PTN: variants seen among roughly 807,000 people sequenced by gnomAD.
The protein encoded by PTN is heparin affin regulatory protein.
PTN carries 18 observed loss-of-function variants against 24.1 expected under a neutral mutation model. The observed-to-expected ratio is 0.75, with a 90% CI of 0.52 to 1.11. PTN has a LOEUF of 1.11. Among genes scored for constraint, PTN ranks in the 50% least tolerant of loss-of-function variants. The pLI, the probability that PTN is intolerant of heterozygous loss-of-function variation, is 0.00. For missense variants in PTN, 163 were observed against 198.8 expected, an observed-to-expected ratio of 0.82 and a Z score of 1.08; for synonymous variants, 78 against 68.6, an observed-to-expected ratio of 1.14 and a Z score of -0.67.
At chr7:137,289,344 T>C (rs776586288) in intron 1 of PTN, among the ~76,000 whole-genome samples, 5 of 152,038 alleles carry the variant, frequency 3.3e-5, no homozygotes, top group Non-Finnish European at 7.4e-5. Flanking sequence ...CTGTGAATCA[T>C]TGGAAGAGAA....
chr7:137,289,251 T>C (rs1158457869), intron 1 of PTN, among the ~76,000 whole-genome samples: 1 of 152,196 alleles, frequency 6.6e-6, no homozygotes, highest in Non-Finnish European at 1.5e-5. Flanking sequence ...TATTGAAATG[T>C]GATCTCTCAG....
intron 1 of PTN, among the ~76,000 whole-genome samples, chr7:137,339,807 AAAG>A (rs1379674661): frequency 1.3e-5 from 2 of 152,096 alleles, no homozygotes; most frequent in Non-Finnish European, 2.9e-5. Context: ...AAATGAGAGA[AAAG>A]AAGGAGAAAT....
chr7:137,244,530 C>T (rs1808690397), intron 4 of PTN, among the ~76,000 whole-genome samples: 2 of 151,892 alleles, frequency 1.3e-5, no homozygotes, highest in South Asian at 2.1e-4. Context: ...TCCCTCCCCC[C>T]TCCTCCCACC....
At chr7:137,261,977 A>G (rs1402898792) in intron 1 of PTN, among the ~76,000 whole-genome samples, 1 of 152,112 alleles carries the variant, frequency 6.6e-6, no homozygotes, top group African/African-American at 2.4e-5. Flanking sequence ...TAGGGAAGTT[A>G]GAATAATATC....
chr7:137,333,687 A>C (rs778151804), intron 1 of PTN, among the ~76,000 whole-genome samples: 2 of 152,174 alleles, frequency 1.3e-5, no homozygotes, highest in African/African-American at 2.4e-5. Flanking sequence ...ATTGGAAAAA[A>C]CTACTTTAAA....
In PTN at chr7:137,275,659, A is replaced by T. The variant is rs980033252; in HGVS notation, c.-1-20685T>A. ...CAGTAAATCTTTTTTTAAAAAAAAA[A>T]ATTGTATTGGCAAACTGAATTAGGT... On this transcript the variant is annotated intron_variant, in intron 1 of 4. Transcript: ENST00000348225. 1.6e-4 allele frequency among the ~76,000 whole-genome samples: 24 copies of T among 151,740 alleles called. 1 individual carries two copies. The highest frequency in any genetic ancestry group is 2.9e-5 in the Non-Finnish European group (2 of 67,954).
intron 1 of PTN, among the ~76,000 whole-genome samples, chr7:137,323,414 G>A (rs538393010): frequency 6.6e-6 from 1 of 152,244 alleles, no homozygotes; most frequent in Admixed American, 6.5e-5. Context: ...GGACTGGTGT[G>A]AATTAATTTT....
At chr7:137,308,770 C>T (rs575110816) in intron 1 of PTN, among the ~76,000 whole-genome samples, 72 of 152,226 alleles carry the variant, frequency 4.7e-4, no homozygotes, top group African/African-American at 1.7e-3. Flanking sequence ...GGCATAAACA[C>T]TATTCTAGGG....
chr7:137,285,568 G>T (rs1809540010), intron 1 of PTN, among the ~76,000 whole-genome samples: 1 of 152,066 alleles, frequency 6.6e-6, no homozygotes, highest in Non-Finnish European at 1.5e-5. Flanking sequence ...TACTCAAGAG[G>T]CTGAGGCAGG....
intron 1 of PTN, among the ~76,000 whole-genome samples, chr7:137,290,672 G>C (rs1351061066): frequency 6.6e-6 from 1 of 151,826 alleles, no homozygotes; most frequent in Non-Finnish European, 1.5e-5. Flanking sequence ...TAAATACATA[G>C]GACAAGTGAC....
intron 1 of PTN, among the ~76,000 whole-genome samples, chr7:137,313,907 C>G (rs1008053641): frequency 6.6e-6 from 1 of 152,154 alleles, no homozygotes; most frequent in Non-Finnish European, 1.5e-5. Context: ...ATGCACAGAC[C>G]AACTAGACTG....
At chr7:137,314,840 G>A (rs566669598) in intron 1 of PTN, among the ~76,000 whole-genome samples, 369 of 152,114 alleles carry the variant, frequency 2.4e-3, no homozygotes, top group Non-Finnish European at 4.2e-3. Flanking sequence ...TGATCCGCCC[G>A]CCTCGGCCTC....
chr7:137,270,134 A>C (rs1809250148), intron 1 of PTN, among the ~76,000 whole-genome samples: 1 of 152,240 alleles, frequency 6.6e-6, no homozygotes, highest in African/African-American at 2.4e-5. Context: ...TTGCACTCCG[A>C]TAAAGCATCA....
chr7:137,241,149 T>C (rs529571428), intron 4 of PTN, among the ~76,000 whole-genome samples: 1 of 152,190 alleles, frequency 6.6e-6, no homozygotes, highest in Admixed American at 6.5e-5. Flanking sequence ...TCACTCACTA[T>C]CAGGAGAACG....
intron 4 of PTN, 109 bp downstream of exon 4, chr7:137,251,121 C>G (rs764907604): frequency 3.9e-5 from 51 of 1,318,230 alleles, no homozygotes; most frequent in Non-Finnish European, 5.2e-5. Flanking sequence ...TTTTCAGTCA[C>G]TTTCTTAAGG....
intron 1 of PTN, among the ~76,000 whole-genome samples, chr7:137,299,771 T>C (rs1453417607): frequency 1.3e-5 from 2 of 151,964 alleles, no homozygotes; most frequent in African/African-American, 4.8e-5. Context: ...CTCCCGGTTT[T>C]TGTTTCTGTG....
chr7:137,273,993 GA>G (rs1023786179), intron 1 of PTN, among the ~76,000 whole-genome samples: 3 of 151,866 alleles, frequency 2.0e-5, no homozygotes, highest in African/African-American at 7.3e-5. Context: ...CTATAATTAG[GA>G]GTCCAGAATA....
intron 1 of PTN, among the ~76,000 whole-genome samples, chr7:137,332,115 C>T (rs1380580955): frequency 6.6e-6 from 1 of 152,146 alleles, no homozygotes; most frequent in Non-Finnish European, 1.5e-5. Context: ...TTAATATGTG[C>T]ATAGCTGTTA....
At chr7:137,268,749 C>T (rs1381536724) in intron 1 of PTN, among the ~76,000 whole-genome samples, 1 of 152,202 alleles carries the variant, frequency 6.6e-6, no homozygotes, top group Non-Finnish European at 1.5e-5. Context: ...GGGTCTGGTT[C>T]CTAGGCGCTG....
Sources: allele counts gnomAD v4.1 joint callset (sites outside exome capture counted in the v4.1 genomes callset), GRCh38; gene constraint gnomAD v4.1.1; transcripts MANE v1.5; gene names NCBI Gene and HGNC (gene_info 2026-07-23, HGNC 2026-07-21).